The following SAMD3 variants were observed in gnomAD, a reference collection of about 807,000 sequenced individuals.
SAMD3 encodes the protein sterile alpha motif domain-containing protein 3.
A neutral mutation model predicts 58.5 loss-of-function variants in SAMD3; 63 were observed. The ratio of observed to expected loss-of-function variants is 1.08; its 90% CI spans 0.88 to 1.33. The LOEUF is 1.33. SAMD3 is among the 40% of genes most tolerant of loss of function. SAMD3 has a pLI of 0.00. For synonymous variants in SAMD3, 220 were observed against 210.3 expected, an observed-to-expected ratio of 1.05 and a Z score of -0.40; for missense variants, 604 against 608.4, an observed-to-expected ratio of 0.99 and a Z score of 0.08.
At chr6:130,348,476 AAAG>A (rs1225227894) in intron 1 of SAMD3, among the ~76,000 whole-genome samples, 2 of 152,222 alleles carry the variant, frequency 1.3e-5, no homozygotes, top group Non-Finnish European at 2.9e-5. Context: ...CAAAAGAGAC[AAAG>A]AAGGCCATTA....
At position 130,215,559 on chromosome 6, in the gene SAMD3, A is replaced by G. The variant is rs1307969416; in HGVS notation, c.-21-265T>C. On this transcript the variant is annotated intron_variant, in intron 2 of 11. Transcript: ENST00000439090. ...CTTCTCCTACTTTTTTTCCACAGGCATCTCTAAGCTTTACTAACAGACAGC... is the reference window on the plus strand; with the variant it reads ...CTTCTCCTACTTTTTTTCCACAGGCGTCTCTAAGCTTTACTAACAGACAGC... 44 of 1,329,626 alleles carry G rather than the reference A, an allele frequency of 3.3e-5. 1 individual carries two copies. The South Asian group carries it at 6.1e-4, about 18-fold the overall frequency. The allele number at this position is 1,329,626 out of a possible 1,614,324, so 82.4% of individuals were successfully genotyped here.
At chr6:130,354,682 A>T (rs1245809309) in intron 1 of SAMD3, among the ~76,000 whole-genome samples, 1 of 152,126 alleles carries the variant, frequency 6.6e-6, no homozygotes, top group Non-Finnish European at 1.5e-5. Flanking sequence ...GGAGAGGATT[A>T]AAAAAATAAC....
intron 2 of SAMD3, among the ~76,000 whole-genome samples, chr6:130,242,153 C>T (rs568023954): frequency 6.6e-6 from 1 of 152,144 alleles, no homozygotes; most frequent in African/African-American, 2.4e-5. Context: ...ATATTATAAC[C>T]TTTTAATGCA....
chr6:130,278,080 T>C (rs1267151131), intron 2 of SAMD3, among the ~76,000 whole-genome samples: 4 of 152,188 alleles, frequency 2.6e-5, no homozygotes, highest in Non-Finnish European at 5.9e-5. Context: ...ATCACTATTG[T>C]ATAACCTAAG....
At chr6:130,289,568 C>T (rs1775292924) in intron 2 of SAMD3, among the ~76,000 whole-genome samples, 1 of 152,164 alleles carries the variant, frequency 6.6e-6, no homozygotes, top group South Asian at 2.1e-4. Context: ...GGCACGATCT[C>T]GGCTCACTGC....
chr6:130,348,005 T>C (rs1777510012), intron 1 of SAMD3, among the ~76,000 whole-genome samples: 1 of 152,020 alleles, frequency 6.6e-6, no homozygotes, highest in Non-Finnish European at 1.5e-5. Flanking sequence ...AGAAATAAAA[T>C]CCTTTACAGA....
chr6:130,228,906 G>A (rs896295470), intron 2 of SAMD3, among the ~76,000 whole-genome samples: 1 of 152,184 alleles, frequency 6.6e-6, no homozygotes, highest in Non-Finnish European at 1.5e-5. Context: ...ATAGGGCAGT[G>A]TGGAAACAAT....
intron 5 of SAMD3, among the ~76,000 whole-genome samples, chr6:130,196,832 C>CT (rs1212013350): frequency 6.6e-6 from 1 of 152,150 alleles, no homozygotes; most frequent in Non-Finnish European, 1.5e-5. Flanking sequence ...AGGTAGAGGC[C>CT]TTTCCTACAG....
At chr6:130,331,817 A>G (rs566436517) in intron 1 of SAMD3, among the ~76,000 whole-genome samples, 1 of 152,350 alleles carries the variant, frequency 6.6e-6, no homozygotes, top group South Asian at 2.1e-4. Context: ...ATGTATGTTT[A>G]TGTGCTTCTG....
At chr6:130,232,022 A>C (rs187942170) in intron 2 of SAMD3, among the ~76,000 whole-genome samples, 1 of 152,248 alleles carries the variant, frequency 6.6e-6, no homozygotes, top group South Asian at 2.1e-4. Context: ...ATTTAATTTT[A>C]ATTAATTTAA....
intron 1 of SAMD3, among the ~76,000 whole-genome samples, chr6:130,313,966 T>C (rs1449569557): frequency 6.6e-6 from 1 of 152,228 alleles, no homozygotes; most frequent in Non-Finnish European, 1.5e-5. Context: ...TCTCCCATTC[T>C]CTTTGTTCTT....
chr6:130,216,112 A>G (rs1329356774), intron 2 of SAMD3, among the ~76,000 whole-genome samples: 2 of 152,066 alleles, frequency 1.3e-5, no homozygotes, highest in African/African-American at 4.8e-5. Context: ...TGCAAGATAT[A>G]TTCTTTAACT....
intron 8 of SAMD3, among the ~76,000 whole-genome samples, 164 bp from the exon 9 acceptor site, chr6:130,155,189 T>C (rs189013083): frequency 1.7e-3 from 257 of 152,318 alleles, no homozygotes; most frequent in African/African-American, 6.0e-3. Context: ...TTAATGACAA[T>C]AAATTAGATA....
intron 2 of SAMD3, among the ~76,000 whole-genome samples, chr6:130,289,782 G>A (rs1775301051): frequency 6.6e-6 from 1 of 152,334 alleles, no homozygotes; most frequent in East Asian, 1.9e-4. Flanking sequence ...TTATAGGTGT[G>A]AACCACCGTG....
At chr6:130,356,109 C>T (rs1449092961) in intron 1 of SAMD3, among the ~76,000 whole-genome samples, 1 of 152,156 alleles carries the variant, frequency 6.6e-6, no homozygotes, top group Non-Finnish European at 1.5e-5. Flanking sequence ...AAGATCAAGT[C>T]ACTCACTGTT....
chr6:130,249,237 T>C (rs1232400598), intron 2 of SAMD3, among the ~76,000 whole-genome samples: 7 of 152,246 alleles, frequency 4.6e-5, no homozygotes, highest in Admixed American at 4.6e-4. Context: ...TTTGTCTTCA[T>C]GAGTCTAATA....
chr6:130,262,917 A>G (rs1774194057), intron 2 of SAMD3, among the ~76,000 whole-genome samples: 1 of 152,214 alleles, frequency 6.6e-6, no homozygotes, highest in African/African-American at 2.4e-5. Flanking sequence ...AAATAAAAGC[A>G]TAACAGGTTT....
At chr6:130,237,333 G>A (rs1216664428) in intron 2 of SAMD3, among the ~76,000 whole-genome samples, 1 of 152,020 alleles carries the variant, frequency 6.6e-6, no homozygotes, top group African/African-American at 2.4e-5. Flanking sequence ...ACTCTATTAT[G>A]CTCACATAAT....
intron 1 of SAMD3, among the ~76,000 whole-genome samples, chr6:130,329,043 C>CCT (rs10679349): frequency 0.18 from 26,018 of 146,924 alleles, 2,451 homozygotes; most frequent in East Asian, 0.41. Context: ...TCTCTCTCTC[C>CCT]CTCTCTCTCT....
Sources: gnomAD v4.1 joint callset for allele counts (sites outside exome capture counted in the v4.1 genomes callset) on GRCh38, gnomAD v4.1.1 for gene constraint, MANE v1.5 for transcripts, NCBI Gene and HGNC (gene_info 2026-07-23, HGNC 2026-07-21) for gene names.